REV3L: variants seen among roughly 807,000 people sequenced by gnomAD.
REV3L encodes the protein DNA polymerase zeta catalytic subunit.
A neutral mutation model predicts 299.4 loss-of-function variants in REV3L; 69 were observed. That is an observed-to-expected ratio of 0.23 (90% CI 0.19 to 0.28). The LOEUF is 0.28. Ranked by LOEUF, REV3L falls within the 10% of genes least tolerant of loss-of-function variation. REV3L has a pLI of 1.00. For synonymous variants in REV3L, 1,238 were observed against 1,271.4 expected, an observed-to-expected ratio of 0.97 and a Z score of 0.56; for missense variants, 3,128 against 3,693.8, an observed-to-expected ratio of 0.85 and a Z score of 3.97.
At chr6:111,416,818 G>A (rs1050529081) in intron 1 of REV3L, among the ~76,000 whole-genome samples, 1 of 152,078 alleles carries the variant, frequency 6.6e-6, no homozygotes, top group African/African-American at 2.4e-5. Context: ...TGTTATGAAG[G>A]TTACAAAAAT....
At chr6:111,411,353 A>T in intron 3 of REV3L, 127 bp downstream of exon 3, 1 of 649,006 alleles carries the variant, frequency 1.5e-6, no homozygotes, top group East Asian at 2.9e-5. Context: ...ATACACGTAC[A>T]TGTGTATTTT....
At chr6:111,311,517 C>T (rs240968) in intron 28 of REV3L, 219,307 of 280,904 alleles carry the variant, frequency 0.78, 86,455 homozygotes, top group Middle Eastern at 0.84. Context: ...TAACATTTGT[C>T]ATGTGATAAG....
chr6:111,308,313 A>G (rs1582440442), intron 30 of REV3L: 2 of 451,548 alleles, frequency 4.4e-6, no homozygotes, highest in East Asian at 7.0e-5. Flanking sequence ...GCCGATGATG[A>G]AATGAACATT....
At chr6:111,473,085 T>A (rs777861148) in intron 1 of REV3L, among the ~76,000 whole-genome samples, 6 of 152,190 alleles carry the variant, frequency 3.9e-5, no homozygotes, top group Non-Finnish European at 8.8e-5. Context: ...GATACCAGAG[T>A]GACATACCTC....
At chr6:111,422,593 TA>T in intron 1 of REV3L, among the ~76,000 whole-genome samples, 1 of 31,876 alleles carries the variant, frequency 3.1e-5, no homozygotes, top group African/African-American at 8.9e-5. Context: ...TATATATATA[TA>T]CACATATATA....
chr6:111,376,270 A>G lies in REV3L; in HGVS notation c.2085T>C (p.Arg695=). ...TGCCCAATGTATTCTCGTTAGGGTG[A>G]CGGTGCATATGTATAAAAGGGGAAT... ...EKDSPFIHMH[R]HPNENTLGKN... Residue 695 remains arginine, a synonymous_variant, in exon 13 of 32, where the codon CGT becomes CGC. Transcript: ENST00000368802. 6.2e-7 allele frequency: 1 copy of G among 1,613,766 alleles called. No homozygotes were observed. Among genetic ancestry groups the G allele is most frequent in the African/African-American group, 1.3e-5 (1 of 75,048 alleles).
chr6:111,358,726 C>G, intron 17 of REV3L, 96 bp downstream of exon 17: 1 of 910,164 alleles, frequency 1.1e-6, no homozygotes, highest in Non-Finnish European at 1.6e-6. Context: ...AAAGAGTCAT[C>G]ATGCTTGCTT....
chr6:111,376,303 G>A lies in REV3L; in HGVS notation c.2052C>T (p.Ile684=), dbSNP rs781461648. The change falls in exon 13 of 32, where the codon ATC becomes ATT. Residue 684 remains isoleucine, a synonymous_variant. Transcript: ENST00000368802. ...PSRKYTNIRK[I]EKDSPFIHMH... ...TATGTATAAAAGGGGAATCCTTTTC[G>A]ATTTTTCTAATGTTTGTATATTTTC... The A allele has an allele frequency of 4.2e-5, 68 of 1,613,274 alleles. No individual in the cohort carries two copies. The highest frequency in any genetic ancestry group is 8.3e-5 in the Admixed American group (5 of 59,882).
intron 1 of REV3L, among the ~76,000 whole-genome samples, chr6:111,427,241 T>C (rs1168184505): frequency 6.6e-6 from 1 of 152,194 alleles, no homozygotes; most frequent in Non-Finnish European, 1.5e-5. Flanking sequence ...CCATATTTTA[T>C]GGTAGCTGAA....
intron 1 of REV3L, among the ~76,000 whole-genome samples, chr6:111,456,719 G>T (rs1790203914): frequency 6.6e-6 from 1 of 152,064 alleles, no homozygotes; most frequent in South Asian, 2.1e-4. Context: ...CAAATATAAG[G>T]TTTTCTATGA....
At chr6:111,313,686 C>T (rs1773218539) in intron 27 of REV3L, among the ~76,000 whole-genome samples, 197 bp from the exon 28 acceptor site, 1 of 152,212 alleles carries the variant, frequency 6.6e-6, no homozygotes, top group Admixed American at 6.5e-5. Flanking sequence ...CACTTGCTCA[C>T]TCCTTTTCTT....
rs1249475346 is a variant in REV3L, at chr6:111,431,752, AAT to A, written c.140-15282_140-15281del. The A allele has an allele frequency of 6.4e-6, 5 of 777,808 alleles. No homozygotes were observed. The African/African-American group carries it at 8.6e-5, about 13-fold the overall frequency. 48.2% of individuals were successfully genotyped at this position (777,808 alleles called of 1,614,324 possible). On this transcript the variant is annotated intron_variant, in intron 1 of 31. Coordinates refer to ENST00000368802, the MANE Select transcript of REV3L (RefSeq NM_001372078.1). ...AGATACTGAAGAACCTAAAAAGACG[AAT>A]GTTGCTGAATGTGGACCTGGTGGAA...
In REV3L at chr6:111,307,509, T is replaced by C; in HGVS notation, c.9104A>G (p.Gln3035Arg). ...EPEGRKGTIS[Q>R]YFTTLHCPVC... ...AGGACAGTGTAAGGTAGTAAAATATTGTGAAATAGTGCCTTTCCGCCCTTC... is the reference window on the plus strand; with the variant it reads ...AGGACAGTGTAAGGTAGTAAAATATCGTGAAATAGTGCCTTTCCGCCCTTC... The change falls in exon 31 of 32, where the codon CAA becomes CGA. Residue 3035 changes from glutamine (Q) to arginine (R), a missense_variant. Physicochemically the swap from Gln to Arg is conservative, Grantham distance 43 (BLOSUM62 1). Around this residue, in one of 9 missense-constraint regions of REV3L, gnomAD observed 294 missense variants for 377.0 expected, o/e 0.78. Transcript: ENST00000368802. The C allele has an allele frequency of 6.2e-7, 1 of 1,614,208 alleles. No individual in the cohort carries two copies. Among genetic ancestry groups the C allele is most frequent in the Non-Finnish European group, 8.5e-7 (1 of 1,180,036 alleles).
In REV3L at chr6:111,375,503, A is replaced by G. The variant is rs753002739; in HGVS notation, c.2852T>C (p.Ile951Thr). Reference protein sequence around the residue: ...SKISLPHPMEIGESLDGTLKS... With the variant: ...SKISLPHPMETGESLDGTLKS... ...GAGAGTTCCATCTAAACTTTCACCAATTTCCATGGGATGAGGTAGACTAAT... is the reference window on the plus strand; with the variant it reads ...GAGAGTTCCATCTAAACTTTCACCAGTTTCCATGGGATGAGGTAGACTAAT... Residue 951 changes from isoleucine (I) to threonine (T), a missense_variant, in exon 13 of 32, where the codon ATT (isoleucine) becomes ACT (threonine). This residue lies in a region of REV3L where 2,409 missense variants were observed against 2,611.8 expected (regional missense o/e 0.92). Coordinates refer to ENST00000368802, the MANE Select transcript of REV3L (RefSeq NM_001372078.1). 8 of 1,607,446 alleles carry G rather than the reference A, an allele frequency of 5.0e-6. 1 individual carries two copies. In the South Asian group the frequency reaches 5.6e-5, roughly 11 times the overall value.
At chr6:111,413,209 T>A (rs751746762) in intron 2 of REV3L, among the ~76,000 whole-genome samples, 2 of 152,084 alleles carry the variant, frequency 1.3e-5, no homozygotes, top group East Asian at 3.8e-4. Flanking sequence ...TATACAAAGG[T>A]AGTTGTCTGG....
rs766507892 is a variant in REV3L at position 111,374,513 on chromosome 6, G to C, written c.3842C>G (p.Ser1281Cys). 8 of 1,613,870 alleles carry C rather than the reference G, an allele frequency of 5.0e-6. No individual in the cohort carries two copies. The highest frequency in any genetic ancestry group is 3.3e-5 in the Admixed American group (2 of 59,990). Residue 1281 changes from serine to cysteine, a missense_variant, in exon 13 of 32, where the codon TCC becomes TGC. Transcript: ENST00000368802. The stretch of plus-strand genomic sequence containing the variant: ...TTGTGCATTAATTCCAGTGGGTAGG[G>C]AAGCAGAAAGGGGATGATCTACAGC... Reference protein sequence around the residue: ...GSAVDHPLSASLPTGINAQQK... With the variant: ...GSAVDHPLSACLPTGINAQQK...
intron 1 of REV3L, among the ~76,000 whole-genome samples, chr6:111,419,745 T>C (rs995585882): frequency 7.2e-5 from 11 of 152,370 alleles, no homozygotes; most frequent in African/African-American, 2.6e-4. Flanking sequence ...GCTTTTCCAC[T>C]ATACTTCTAG....
At chr6:111,425,266 G>C (rs902366379) in intron 1 of REV3L, among the ~76,000 whole-genome samples, 1 of 152,090 alleles carries the variant, frequency 6.6e-6, no homozygotes, top group Non-Finnish European at 1.5e-5. Flanking sequence ...AGACCATCCT[G>C]GCGAACATGG....
chr6:111,309,553 G>C (rs1772725354), intron 30 of REV3L: 2 of 218,586 alleles, frequency 9.1e-6, no homozygotes, highest in African/African-American at 4.6e-5. Flanking sequence ...AGGGTCTCGG[G>C]TTTTTATAGG....
Sources: allele counts gnomAD v4.1 joint callset (sites outside exome capture counted in the v4.1 genomes callset), GRCh38; gene constraint gnomAD v4.1.1; regional missense constraint gnomAD v4.1.1; transcripts MANE v1.5; gene names NCBI Gene and HGNC (gene_info 2026-07-23, HGNC 2026-07-21).